CRK: variants seen among roughly 807,000 people sequenced by gnomAD.
CRK encodes CRK proto-oncogene, adaptor protein.
A neutral mutation model predicts 29.8 loss-of-function variants in CRK; 4 were observed. The observed-to-expected ratio is 0.13, with a 90% CI of 0.07 to 0.31. The LOEUF (loss-of-function observed/expected upper bound fraction) is 0.31, where lower values mean the gene tolerates loss of function less well. CRK is among the 10% of genes least tolerant of loss of function. CRK has a pLI of 1.00. For missense variants in CRK, 274 were observed against 396.5 expected, an observed-to-expected ratio of 0.69 and a Z score of 2.62; for synonymous variants, 153 against 164.9, an observed-to-expected ratio of 0.93 and a Z score of 0.55.
chr17:1,425,159 A>G (rs28421105), intron 2 of CRK, among the ~76,000 whole-genome samples: 6 of 151,292 alleles, frequency 4.0e-5, no homozygotes, highest in African/African-American at 7.3e-5. Flanking sequence ...GCGCTATCTC[A>G]GCTCACTGCA....
intron 1 of CRK, among the ~76,000 whole-genome samples, chr17:1,454,189 G>C (rs2074039247): frequency 6.7e-6 from 1 of 149,136 alleles, no homozygotes; most frequent in Non-Finnish European, 1.5e-5. Context: ...GCGACAGAGA[G>C]ACTCCGTCTC....
At chr17:1,444,687 A>G (rs1260112947) in intron 1 of CRK, among the ~76,000 whole-genome samples, 1 of 151,210 alleles carries the variant, frequency 6.6e-6, no homozygotes, top group East Asian at 1.9e-4. Context: ...ATACAAAATT[A>G]GCCAGGCGTG....
intron 2 of CRK, among the ~76,000 whole-genome samples, chr17:1,435,173 C>T (rs1222601390): frequency 6.6e-6 from 1 of 152,182 alleles, no homozygotes; most frequent in African/African-American, 2.4e-5. Flanking sequence ...GATCCTCCCT[C>T]CTCAGCCTCC....
At chr17:1,432,664 C>G (rs1444665567) in intron 2 of CRK, among the ~76,000 whole-genome samples, 1 of 151,272 alleles carries the variant, frequency 6.6e-6, no homozygotes, top group Non-Finnish European at 1.5e-5. Flanking sequence ...GTAGTCCCAG[C>G]TACTTGGGGG....
In CRK at chr17:1,422,181, T is replaced by G. The variant is rs2073732591; in HGVS notation, c.*1332A>C. 1 of 150,300 alleles carries G rather than the reference T, an allele frequency of 6.7e-6. No homozygotes were observed. Among genetic ancestry groups the G allele is most frequent in the Non-Finnish European group, 1.5e-5 (1 of 67,748 alleles). The allele number at this position is 150,300 out of a possible 1,614,324, so 9.3% of individuals were successfully genotyped here. The stretch of plus-strand genomic sequence containing the variant: ...TTTTTTTTTTCCTTTTTTTTTTTTT[T>G]GAGACTGAGTCTTGCCCTGTCGCTC... On this transcript the variant is annotated 3_prime_UTR_variant, in exon 3 of 3. Transcript: ENST00000300574.
In CRK at chr17:1,456,034, C is replaced by G; in HGVS notation, c.84G>C (p.Gln28His). The G allele has an allele frequency of 1.3e-6, 2 of 1,595,526 alleles. No individual in the cohort carries two copies. The highest frequency in any genetic ancestry group is 1.7e-6 in the Non-Finnish European group (2 of 1,173,022). The change falls in exon 1 of 3, where the codon CAG (glutamine) becomes CAC (histidine). Residue 28 changes from glutamine (Q) to histidine (H), a missense_variant. Physicochemically the swap from Gln to His is conservative, Grantham distance 24 (BLOSUM62 0). Transcript: ENST00000300574. ...LSRQEAVALL[Q>H]GQRHGVFLVR... Reference sequence around the variant, plus strand: ...CCAGGAACACCCCGTGCCGCTGGCCCTGCAGCAGCGCCACCGCCTCCTGCC... The same window carrying G: ...CCAGGAACACCCCGTGCCGCTGGCCGTGCAGCAGCGCCACCGCCTCCTGCC...
chr17:1,444,128 C>T (rs1363267013), intron 1 of CRK, among the ~76,000 whole-genome samples: 1 of 152,022 alleles, frequency 6.6e-6, no homozygotes, highest in African/African-American at 2.4e-5. Context: ...GCCACCGTGC[C>T]TGGTCTTGTT....
intron 2 of CRK, among the ~76,000 whole-genome samples, chr17:1,423,928 A>G (rs1438183067): frequency 6.6e-6 from 1 of 152,218 alleles, no homozygotes; most frequent in African/African-American, 2.4e-5. Context: ...GGAAAGTGAT[A>G]ATTATTGGAA....
intron 1 of CRK, among the ~76,000 whole-genome samples, chr17:1,440,210 A>G (rs2073923474): frequency 1.3e-5 from 2 of 151,132 alleles, no homozygotes. Context: ...GAGGCAGGAG[A>G]ATGGCATGAA....
At chr17:1,444,480 G>C (rs1474228014) in intron 1 of CRK, among the ~76,000 whole-genome samples, 3 of 151,806 alleles carry the variant, frequency 2.0e-5, no homozygotes, top group East Asian at 3.9e-4. Flanking sequence ...AGTCAAGACT[G>C]CGCCACTGCC....
chr17:1,433,959 G>A (rs1293737732), intron 2 of CRK, among the ~76,000 whole-genome samples: 2 of 150,626 alleles, frequency 1.3e-5, no homozygotes, highest in South Asian at 2.1e-4. Context: ...CTCAGCCTCC[G>A]AAAGTGCTGG....
chr17:1,423,382 A>C lies in CRK; in HGVS notation c.*131T>G, dbSNP rs1465400679. On this transcript the variant is annotated 3_prime_UTR_variant, in exon 3 of 3. Transcript: ENST00000300574. ...AGGAATGGAGCAGTTCAGTCTAAAA[A>C]ATATCACAGGTAACAGAATGCTTAT... 4 of 1,172,170 alleles carry C rather than the reference A, an allele frequency of 3.4e-6. No homozygotes were observed. The highest frequency in any genetic ancestry group is 1.6e-5 in the African/African-American group (1 of 64,348). 72.6% of individuals were successfully genotyped at this position (1,172,170 alleles called of 1,614,324 possible). A position where few individuals can be genotyped will look rare whatever the true frequency, so the allele number is the denominator to read the frequency against.
chr17:1,456,004 C>T lies in CRK; in HGVS notation c.114G>A (p.Arg38=). ...AGTCCCCGGGGCTGGTGCTCGAGTC[C>T]CGCACCAGGAACACCCCGTGCCGCT... ...QGQRHGVFLV[R]DSSTSPGDYV... The change falls in exon 1 of 3, where the codon CGG becomes CGA. Residue 38 remains arginine, a synonymous_variant. Transcript: ENST00000300574. 6.2e-7 allele frequency: 1 copy of T among 1,600,378 alleles called. No homozygotes were observed. The highest frequency in any genetic ancestry group is 8.5e-7 in the Non-Finnish European group (1 of 1,175,118).
intron 1 of CRK, among the ~76,000 whole-genome samples, chr17:1,438,119 T>C (rs1334925941): frequency 2.0e-5 from 3 of 152,030 alleles, no homozygotes; most frequent in Non-Finnish European, 4.4e-5. Context: ...GAAGAAAAAC[T>C]ATCTCTTGTT....
rs2073738370 is a variant in CRK at position 1,422,547 on chromosome 17, G to A, written c.*966C>T. On this transcript the variant is annotated 3_prime_UTR_variant, in exon 3 of 3. Coordinates refer to ENST00000300574, the MANE Select transcript of CRK (RefSeq NM_016823.4). ...TTTTATACAAGTTGCACAGAATGCA[G>A]AGGGCAGAATTTGACCCCAAAACCT... The A allele has an allele frequency of 1.2e-5, 2 of 173,718 alleles. No homozygotes were observed. Among genetic ancestry groups the A allele is most frequent in the Admixed American group, 6.3e-5 (1 of 15,850 alleles). 10.8% of individuals were successfully genotyped at this position (173,718 alleles called of 1,614,324 possible).
Position 1,420,887 on chromosome 17 carries a change from AC to A in CRK, c.*2625del, listed in dbSNP as rs1339172539. 1 of 152,208 alleles carries A rather than the reference AC, an allele frequency of 6.6e-6. No individual in the cohort carries two copies. Among genetic ancestry groups the A allele is most frequent in the Non-Finnish European group, 1.5e-5 (1 of 68,040 alleles). 9.4% of individuals were successfully genotyped at this position (152,208 alleles called of 1,614,324 possible). ...TTGGTTTGCTTATCACCTATTTCAA[AC>A]CATTAACAGTGAAATGTTACTTGTG... On this transcript the variant is annotated 3_prime_UTR_variant, in exon 3 of 3. Coordinates refer to ENST00000300574, the MANE Select transcript of CRK (RefSeq NM_016823.4).
intron 2 of CRK, among the ~76,000 whole-genome samples, chr17:1,425,283 G>A (rs2073767759): frequency 6.6e-6 from 1 of 151,324 alleles, no homozygotes; most frequent in Non-Finnish European, 1.5e-5. Flanking sequence ...TAGTAGAGAT[G>A]GGGTTTCACC....
chr17:1,451,192 C>CGAAAAA (rs2074015032), intron 1 of CRK, among the ~76,000 whole-genome samples: 1 of 66,962 alleles, frequency 1.5e-5, no homozygotes, highest in African/African-American at 6.2e-5. Context: ...GAAACTGTCT[C>CGAAAAA]AAAAAAAAAA....
chr17:1,449,277 C>T (rs543646824), intron 1 of CRK, among the ~76,000 whole-genome samples: 1 of 152,158 alleles, frequency 6.6e-6, no homozygotes, highest in Non-Finnish European at 1.5e-5. Context: ...CACCCAGGCA[C>T]CTACTCCCCA....
Sources: allele counts gnomAD v4.1 joint callset (sites outside exome capture counted in the v4.1 genomes callset), GRCh38; gene constraint gnomAD v4.1.1; transcripts MANE v1.5; gene names NCBI Gene and HGNC (gene_info 2026-07-23, HGNC 2026-07-21).